Variants in CCDC7 observed in about 807,000 individuals in gnomAD.
The protein encoded by CCDC7 is coiled-coil domain-containing protein 7.
Under a neutral mutation model 196.9 loss-of-function variants are expected in CCDC7, and 183 were observed. That is an observed-to-expected ratio of 0.93 (90% CI 0.82 to 1.05). CCDC7 has a LOEUF of 1.05. Among genes scored for constraint, CCDC7 ranks in the 50% least tolerant of loss-of-function variants. The pLI is 0.00. For synonymous variants in CCDC7, 525 were observed against 484.6 expected (o/e 1.08, Z -1.10); for missense variants, 1,540 against 1,482.2 (o/e 1.04, Z -0.64).
chr10:32,615,206 G>T (rs910096372), intron 18 of CCDC7, among the ~76,000 whole-genome samples: 3 of 152,082 alleles, frequency 2.0e-5, no homozygotes, highest in Non-Finnish European at 2.9e-5. Context: ...TAGTGGGATG[G>T]CTAGATCAAA....
At position 32,874,931 on chromosome 10, in the gene CCDC7, T is replaced by C. The variant is rs140871527; in HGVS notation, c.4112-1416T>C. On this transcript the variant is annotated intron_variant, in intron 41 of 41. Coordinates refer to ENST00000639629, the Ensembl canonical transcript of CCDC7. ...CTAGAATTTTTATGGTTTCAGGTCTTAGATTTAAGTCTTTAATTCATCTTG... is the reference window on the plus strand; with the variant it reads ...CTAGAATTTTTATGGTTTCAGGTCTCAGATTTAAGTCTTTAATTCATCTTG... Among the ~76,000 whole-genome samples the C allele has an allele frequency of 5.0e-3, 765 of 151,994 alleles. 1 individual carries two copies. Among genetic ancestry groups the C allele is most frequent in the African/African-American group, 0.017 (719 of 41,526 alleles).
chr10:32,602,949 TTGTG>T (rs2061213761), intron 18 of CCDC7, among the ~76,000 whole-genome samples: 1 of 152,252 alleles, frequency 6.6e-6, no homozygotes, highest in Admixed American at 6.5e-5. Flanking sequence ...TATCATTTCT[TTGTG>T]TGGGAACATT....
At chr10:32,636,618 C>A (rs2065695888) in intron 20 of CCDC7, among the ~76,000 whole-genome samples, 2 of 152,154 alleles carry the variant, frequency 1.3e-5, no homozygotes, top group South Asian at 4.1e-4. Context: ...TTTCTTAACC[C>A]AGTCTATCAT....
chr10:32,578,512 A>G (rs1002509026), intron 16 of CCDC7, among the ~76,000 whole-genome samples: 10 of 150,450 alleles, frequency 6.6e-5, no homozygotes, highest in Admixed American at 4.7e-4. Context: ...GTGATGGGAG[A>G]CAGTGACAGA....
chr10:32,810,568 T>G (rs1294599318), intron 30 of CCDC7, among the ~76,000 whole-genome samples: 1 of 152,106 alleles, frequency 6.6e-6, no homozygotes, highest in Non-Finnish European at 1.5e-5. Flanking sequence ...AAATAATAGC[T>G]AGAAACTTCA....
chr10:32,736,866 T>C (rs2084951287), intron 28 of CCDC7, among the ~76,000 whole-genome samples: 1 of 152,188 alleles, frequency 6.6e-6, no homozygotes, highest in Non-Finnish European at 1.5e-5. Context: ...TTTCTTGTCT[T>C]ACTGCATTAG....
chr10:32,671,362 C>G (rs1222733501), intron 21 of CCDC7, among the ~76,000 whole-genome samples: 1 of 152,102 alleles, frequency 6.6e-6, no homozygotes, highest in African/African-American at 2.4e-5. Context: ...AGTATAGTAA[C>G]ATACTGTACA....
chr10:32,556,134 G>T (rs2054302096), intron 13 of CCDC7, among the ~76,000 whole-genome samples: 1 of 152,148 alleles, frequency 6.6e-6, no homozygotes, highest in Non-Finnish European at 1.5e-5. Context: ...GAGCTATTGT[G>T]AAGAATTTAT....
chr10:32,719,254 G>C (rs1258203744), intron 25 of CCDC7, among the ~76,000 whole-genome samples: 1 of 152,160 alleles, frequency 6.6e-6, no homozygotes, highest in African/African-American at 2.4e-5. Flanking sequence ...TGACAAACCT[G>C]ACAAAAACAA....
At chr10:32,446,801 CA>C (rs1202800696), upstream of CCDC7, among the ~76,000 whole-genome samples, 1 of 152,030 alleles carries the variant, frequency 6.6e-6, no homozygotes, top group African/African-American at 2.4e-5. Context: ...TACGAGTATT[CA>C]TTGCGTGTGA....
intron 21 of CCDC7, among the ~76,000 whole-genome samples, chr10:32,679,908 A>G (rs2075610723): frequency 6.6e-6 from 1 of 152,220 alleles, no homozygotes; most frequent in Admixed American, 6.5e-5. Flanking sequence ...GTAGATAGAT[A>G]CTGAATGGGG....
intron 21 of CCDC7, among the ~76,000 whole-genome samples, chr10:32,666,674 G>C (rs57666514): frequency 0.052 from 7,974 of 151,982 alleles, 714 homozygotes; most frequent in African/African-American, 0.18. Context: ...ATGGTTTCCA[G>C]CTTCATCCAT....
intron 28 of CCDC7, 103 bp from the exon 30 acceptor site, chr10:32,778,874 C>G (rs769908385): frequency 1.2e-5 from 9 of 777,126 alleles, no homozygotes; most frequent in Admixed American, 7.7e-5. Context: ...TTGCAGTTCT[C>G]GTTGTAGAGA....
At chr10:32,589,813 G>T (rs1326010995) in intron 18 of CCDC7, among the ~76,000 whole-genome samples, 1 of 151,858 alleles carries the variant, frequency 6.6e-6, no homozygotes, top group Non-Finnish European at 1.5e-5. Context: ...GCTCCTCTTT[G>T]TCTCTTCTTA....
chr10:32,514,952 G>A (rs2046793803), intron 9 of CCDC7, among the ~76,000 whole-genome samples: 3 of 152,112 alleles, frequency 2.0e-5, no homozygotes, highest in Admixed American at 6.5e-5. Context: ...AGCCTTCTAA[G>A]CAGCTAGGAC....
chr10:32,580,654 A>G (rs2058651053), intron 16 of CCDC7, among the ~76,000 whole-genome samples: 1 of 152,060 alleles, frequency 6.6e-6, no homozygotes, highest in Non-Finnish European at 1.5e-5. Context: ...ATTGTTGCAG[A>G]TAAGAATATC....
At chr10:32,785,238 G>C (rs2081655767) in intron 29 of CCDC7, among the ~76,000 whole-genome samples, 1 of 152,042 alleles carries the variant, frequency 6.6e-6, no homozygotes, top group Non-Finnish European at 1.5e-5. Context: ...CTACATATTA[G>C]GCCACACATT....
At chr10:32,713,969 A>G (rs546654292) in intron 25 of CCDC7, among the ~76,000 whole-genome samples, 7 of 152,336 alleles carry the variant, frequency 4.6e-5, no homozygotes, top group African/African-American at 1.4e-4. Flanking sequence ...CAATCTTATC[A>G]TCTGTTCTTT....
At chr10:32,739,879 G>C (rs1018818282) in intron 28 of CCDC7, among the ~76,000 whole-genome samples, 1 of 151,142 alleles carries the variant, frequency 6.6e-6, no homozygotes, top group Non-Finnish European at 1.5e-5. Flanking sequence ...CCAAACTGCT[G>C]TTTCTGGTTT....
Sources: gnomAD v4.1 joint callset for allele counts (sites outside exome capture counted in the v4.1 genomes callset) on GRCh38, gnomAD v4.1.1 for gene constraint, MANE v1.5 for transcripts, NCBI Gene and HGNC (gene_info 2026-07-23, HGNC 2026-07-21) for gene names.